FXYD6: variants seen among roughly 807,000 people sequenced by gnomAD.
FXYD6 encodes FXYD domain-containing ion transport regulator 6.
Under a neutral mutation model 16.7 loss-of-function variants are expected in FXYD6, and 7 were observed. The ratio of observed to expected loss-of-function variants is 0.42; its 90% CI spans 0.24 to 0.79. The LOEUF (loss-of-function observed/expected upper bound fraction) is 0.79. Among genes scored for constraint, FXYD6 ranks in the 30% least tolerant of loss-of-function variants. FXYD6 has a pLI of 0.28. For missense variants in FXYD6, 111 were observed against 116.2 expected, an observed-to-expected ratio of 0.95 and a Z score of 0.21; for synonymous variants, 49 against 43.0, an observed-to-expected ratio of 1.14 and a Z score of -0.54.
At chr11:117,864,587 A>G (rs1485841802) in intron 1 of FXYD6, among the ~76,000 whole-genome samples, 1 of 152,028 alleles carries the variant, frequency 6.6e-6, no homozygotes, top group East Asian at 1.9e-4. Context: ...AAATAGACAA[A>G]TTGCACGTTT....
At chr11:117,850,469 CAA>C (rs1396068163) in intron 1 of FXYD6, among the ~76,000 whole-genome samples, 1 of 152,166 alleles carries the variant, frequency 6.6e-6, no homozygotes, top group Non-Finnish European at 1.5e-5. Flanking sequence ...TTATAAACAG[CAA>C]AGAGATGGAT....
chr11:117,861,138 T>G (rs1045408318), intron 1 of FXYD6, among the ~76,000 whole-genome samples: 1 of 152,224 alleles, frequency 6.6e-6, no homozygotes, highest in African/African-American at 2.4e-5. Flanking sequence ...GAGGGTCAGA[T>G]GAGGTGGTCT....
intron 1 of FXYD6, among the ~76,000 whole-genome samples, chr11:117,863,668 A>T (rs1213248921): frequency 1.3e-5 from 2 of 152,256 alleles, no homozygotes; most frequent in African/African-American, 2.4e-5. Flanking sequence ...GAAAGGAAGA[A>T]GTAAAATGAT....
chr11:117,875,190 T>G (rs2057229668), intron 1 of FXYD6, among the ~76,000 whole-genome samples: 2 of 151,848 alleles, frequency 1.3e-5, no homozygotes, highest in African/African-American at 4.8e-5. Flanking sequence ...ATATATGCGG[T>G]GTGTTTGGTG....
Position 117,841,995 on chromosome 11 carries a change from T to C in FXYD6, c.92A>G (p.His31Arg). 1.2e-6 allele frequency: 2 copies of C among 1,614,182 alleles called. No homozygotes were observed. Residue 31 changes from histidine to arginine, a missense_variant, in exon 3 of 8, where the codon CAT becomes CGT. His to Arg is a conservative substitution (Grantham distance 29). Transcript: ENST00000526014. ...CCAGGGTTGCCATCGCTCACCATAA[T>C]GAAAAGGGTCCATTTCCTTCTCCTT... ...AEKEKEMDPFHYDYQTLRIGG... is the reference protein window; with the variant it reads ...AEKEKEMDPFRYDYQTLRIGG...
Position 117,876,627 on chromosome 11 carries a change from A to T in FXYD6, c.-41T>A, listed in dbSNP as rs1021229943. 6.6e-6 allele frequency: 1 copy of T among 151,768 alleles called. No homozygotes were observed. The highest frequency in any genetic ancestry group is 1.9e-4 in the East Asian group (1 of 5,140). 9.4% of individuals were successfully genotyped at this position (151,768 alleles called of 1,614,324 possible). ...GGTCCCCTCCGAGACTCCCAGGAGG[A>T]CCCGCCGAGTCCCGAGGAGCCTGGG... On this transcript the variant is annotated 5_prime_UTR_variant, in exon 1 of 8. Transcript: ENST00000526014.
chr11:117,874,296 C>G (rs1037847900), intron 1 of FXYD6, among the ~76,000 whole-genome samples: 7 of 152,170 alleles, frequency 4.6e-5, no homozygotes, highest in Non-Finnish European at 1.0e-4. Flanking sequence ...CCGATGGAAG[C>G]CAGGAAGGAA....
rs1342524873 is a variant in FXYD6, at chr11:117,838,220, T to C, written c.*79A>G. On this transcript the variant is annotated 3_prime_UTR_variant, in exon 8 of 8. Coordinates refer to ENST00000526014, the MANE Select transcript of FXYD6 (RefSeq NM_022003.4). ...AGGGCTGTTGCTGAAGTGGCCGGTT[T>C]TCTTAAGCATCGACATTTGCATCCA... 8.5e-6 allele frequency: 6 copies of C among 702,480 alleles called. No homozygotes were observed. The highest frequency in any genetic ancestry group is 4.0e-5 in the Admixed American group (2 of 49,978). 43.5% of individuals were successfully genotyped at this position (702,480 alleles called of 1,614,324 possible).
At chr11:117,869,372 G>A (rs568066069) in intron 1 of FXYD6, among the ~76,000 whole-genome samples, 2 of 152,346 alleles carry the variant, frequency 1.3e-5, no homozygotes, top group South Asian at 4.1e-4. Context: ...ACCTCCCAGG[G>A]TGGCCTTTCC....
At position 117,860,015 on chromosome 11, in the gene FXYD6, G is replaced by A. The variant is rs186189570; in HGVS notation, c.-6+16577C>T. 3.2e-3 allele frequency among the ~76,000 whole-genome samples: 493 copies of A among 152,246 alleles called. 3 individuals carry two copies. Among genetic ancestry groups the A allele is most frequent in the Admixed American group, 6.2e-3 (95 of 15,298 alleles). ...TGAGGAGTTGGGCTCCATGTCTGCC[G>A]AAGGCCTTTTGTTATCGTCAAAAGC... is the stretch of plus-strand genomic sequence containing the variant. On this transcript the variant is annotated intron_variant, in intron 1 of 7. Coordinates refer to ENST00000526014, the MANE Select transcript of FXYD6 (RefSeq NM_022003.4).
intron 1 of FXYD6, among the ~76,000 whole-genome samples, chr11:117,874,650 G>C (rs950550920): frequency 3.3e-4 from 50 of 152,214 alleles, no homozygotes; most frequent in African/African-American, 1.1e-3. Flanking sequence ...CAGAGCCTCC[G>C]ATGGTCCCAG....
At position 117,841,181 on chromosome 11, in the gene FXYD6, C is replaced by T. The variant is rs765357596; in HGVS notation, c.176G>A (p.Arg59His). Residue 59 changes from arginine (R) to histidine (H), a missense_variant, in exon 5 of 8, where the codon CGC becomes CAC. Coordinates refer to ENST00000526014, the MANE Select transcript of FXYD6 (RefSeq NM_022003.4). ...FSVGILLILSRRCKCSFNQKP... is the reference protein window; with the variant it reads ...FSVGILLILSHRCKCSFNQKP... ...CTGATTGAAACTGCACTTGCACCTG[C>T]GACCTGAAAAGCAAAGAAACCATCC... 2.1e-5 allele frequency: 34 copies of T among 1,614,108 alleles called. No homozygotes were observed. Among genetic ancestry groups the T allele is most frequent in the South Asian group, 1.8e-4 (16 of 91,084 alleles).
chr11:117,842,892 C>G (rs1565313028), intron 1 of FXYD6, 111 bp from the exon 2 acceptor site: 1 of 1,134,926 alleles, frequency 8.8e-7, no homozygotes, highest in Non-Finnish European at 1.3e-6. Context: ...TTGCTCTGCA[C>G]TCATGACTTG....
chr11:117,861,239 G>A (rs942193648), intron 1 of FXYD6, among the ~76,000 whole-genome samples: 1 of 152,198 alleles, frequency 6.6e-6, no homozygotes, highest in Non-Finnish European at 1.5e-5. Context: ...CTGGTCTATG[G>A]GAGCCTGCCA....
intron 1 of FXYD6, among the ~76,000 whole-genome samples, chr11:117,856,108 T>C (rs1473415973): frequency 6.6e-6 from 1 of 152,208 alleles, no homozygotes; most frequent in African/African-American, 2.4e-5. Context: ...GCTTGGTTGC[T>C]GGCTGCATGT....
chr11:117,863,234 G>T (rs569998523), intron 1 of FXYD6, among the ~76,000 whole-genome samples: 19 of 152,232 alleles, frequency 1.2e-4, no homozygotes, highest in African/African-American at 4.1e-4. Context: ...TGTGGAAATG[G>T]GCAGGAACTA....
At chr11:117,867,470 T>A (rs1418009878) in intron 1 of FXYD6, among the ~76,000 whole-genome samples, 1 of 152,182 alleles carries the variant, frequency 6.6e-6, no homozygotes, top group African/African-American at 2.4e-5. Context: ...GCTGGACCCA[T>A]CTTTAACCTC....
intron 2 of FXYD6, chr11:117,842,245 G>GAGCCTCAC: frequency 4.8e-6 from 3 of 626,896 alleles, no homozygotes; most frequent in Non-Finnish European, 8.3e-6. Flanking sequence ...TCGAAACTCA[G>GAGCCTCAC]TGAGGCTCTG....
intron 1 of FXYD6, among the ~76,000 whole-genome samples, chr11:117,848,502 T>C (rs2134152972): frequency 6.6e-6 from 1 of 152,296 alleles, no homozygotes; most frequent in South Asian, 2.1e-4. Flanking sequence ...GTTTTTATTT[T>C]ATTGTATTAA....
Sources: gnomAD v4.1 joint callset for allele counts (sites outside exome capture counted in the v4.1 genomes callset) on GRCh38, gnomAD v4.1.1 for gene constraint, MANE v1.5 for transcripts, NCBI Gene and HGNC (gene_info 2026-07-23, HGNC 2026-07-21) for gene names.